The following EIF4E3 variants were observed in gnomAD, a reference collection of about 807,000 sequenced individuals.
EIF4E3 encodes the protein eukaryotic translation initiation factor 4E family member 3, also known as eukaryotic translation initiation factor 4E type 3.
In EIF4E3, 26 loss-of-function variants were observed where a neutral mutation model predicts 31.7. The ratio of observed to expected loss-of-function variants is 0.82; its 90% confidence interval spans 0.60 to 1.14. The LOEUF is 1.14. Among genes scored for constraint, EIF4E3 ranks in the 50% most tolerant of loss-of-function variants. EIF4E3 has a pLI of 0.00. For missense variants in EIF4E3, 304 were observed against 270.9 expected (o/e 1.12, Z -0.86); for synonymous variants, 128 against 107.7 (o/e 1.19, Z -1.17).
At chr3:71,674,323 T>C (rs2048861499), downstream of EIF4E3, among the ~76,000 whole-genome samples, 1 of 151,956 alleles carries the variant, frequency 6.6e-6, no homozygotes, top group Admixed American at 6.6e-5. Flanking sequence ...GCCGGGCTGG[T>C]CTTGAACTCC....
intron 4 of EIF4E3, among the ~76,000 whole-genome samples, chr3:71,695,075 T>C (rs2049117112): frequency 6.6e-6 from 1 of 152,224 alleles, no homozygotes; most frequent in Non-Finnish European, 1.5e-5. Flanking sequence ...ATTCTTTTCT[T>C]TTCTCTTTCC....
At chr3:71,687,593 GA>G (rs1361455532) in intron 6 of EIF4E3, among the ~76,000 whole-genome samples, 21 of 152,218 alleles carry the variant, frequency 1.4e-4, no homozygotes, top group African/African-American at 4.6e-4. Context: ...CACCAGAAAA[GA>G]CCTTTGTCAC....
intron 1 of EIF4E3, among the ~76,000 whole-genome samples, chr3:71,735,258 G>A (rs2049750773): frequency 1.3e-5 from 2 of 152,068 alleles, no homozygotes; most frequent in South Asian, 2.1e-4. Flanking sequence ...GAGTACACAG[G>A]CACAGAGCCT....
upstream of EIF4E3, among the ~76,000 whole-genome samples, chr3:71,729,991 C>CTTTCT (rs10632422): frequency 0.18 from 27,398 of 151,924 alleles, 2,491 homozygotes; most frequent in East Asian, 0.31. Flanking sequence ...CTCCGTTTTC[C>CTTTCT]TTTAACAGCA....
the EIF4E3 span, among the ~76,000 whole-genome samples, chr3:71,660,434 G>A: frequency 5.9e-5 from 9 of 152,216 alleles, no homozygotes; most frequent in Non-Finnish European, 8.8e-5. Flanking sequence ...AGGAAAGCCA[G>A]TCTTGAAGAT....
Position 71,680,319 on chromosome 3 carries a change from T to TC in EIF4E3, c.*4362dup, listed in dbSNP as rs1333445924. On this transcript the variant is annotated 3_prime_UTR_variant, in exon 7 of 7. Transcript: ENST00000425534. The stretch of plus-strand genomic sequence containing the variant: ...GCACTTGTTAAAAATGCAGATATCC[T>TC]CCCAGATTTCTAGTGCTGGGGTCAA... The TC allele has an allele frequency of 1.3e-5, 2 of 152,140 alleles. No individual in the cohort carries two copies. Among genetic ancestry groups the TC allele is most frequent in the Non-Finnish European group, 2.9e-5 (2 of 68,010 alleles). 9.4% of individuals were successfully genotyped at this position (152,140 alleles called of 1,614,324 possible). A position where few individuals can be genotyped will look rare whatever the true frequency, so the allele number is the denominator to read the frequency against.
intron 3 of EIF4E3, among the ~76,000 whole-genome samples, chr3:71,697,701 T>C (rs1411874001): frequency 1.3e-5 from 2 of 152,172 alleles, no homozygotes; most frequent in South Asian, 2.1e-4. Flanking sequence ...TCACTTAATA[T>C]AATGTTCTCC....
rs116181817 is a variant in EIF4E3 at position 71,688,804 on chromosome 3, T to C, written c.628+1206A>G. On this transcript the variant is annotated intron_variant, in intron 6 of 6. Transcript: ENST00000425534. ...GGCAACTTCTACACCACGCAGCCAA[T>C]AAGCAACTTCTGCAGTGCCATTTTT... Among the ~76,000 whole-genome samples, 1,134 of 152,290 alleles carry C rather than the reference T, an allele frequency of 7.4e-3. 4 individuals are homozygous for C. The highest frequency in any genetic ancestry group is 0.012 in the Non-Finnish European group (801 of 68,010).
chr3:71,714,547 G>A (rs1402054667), intron 1 of EIF4E3, among the ~76,000 whole-genome samples: 2 of 152,158 alleles, frequency 1.3e-5, no homozygotes, highest in Non-Finnish European at 2.9e-5. Context: ...AGGAAGGCAT[G>A]GCGTCCTTTT....
At chr3:71,660,106 C>T in the EIF4E3 span, among the ~76,000 whole-genome samples, 2 of 152,140 alleles carry the variant, frequency 1.3e-5, no homozygotes, top group African/African-American at 2.4e-5. Flanking sequence ...AAGCTCTGCT[C>T]TAGGGGGCCC....
the EIF4E3 span, among the ~76,000 whole-genome samples, chr3:71,661,151 C>A: frequency 6.7e-6 from 1 of 149,072 alleles, no homozygotes; most frequent in African/African-American, 2.5e-5. Flanking sequence ...TTCTAGATGG[C>A]ATTTTTCCTT....
chr3:71,725,479 G>A, upstream of EIF4E3: 1 of 600,188 alleles, frequency 1.7e-6, no homozygotes, highest in Non-Finnish European at 2.1e-6. This position sits in a 1 kb window ranked among gnomAD's most constrained non-coding sequence, Gnocchi z 6.1. Flanking sequence ...CCCGCCCCGG[G>A]CTAGCCGCCC....
intron 1 of EIF4E3, among the ~76,000 whole-genome samples, chr3:71,711,192 T>C (rs900809524): frequency 1.6e-4 from 24 of 152,322 alleles, no homozygotes; most frequent in African/African-American, 5.8e-4. Flanking sequence ...TTGCCTGGGA[T>C]GGTAAAATGA....
At chr3:71,742,046 C>T (rs916774538) in intron 1 of EIF4E3, among the ~76,000 whole-genome samples, 11 of 151,878 alleles carry the variant, frequency 7.2e-5, no homozygotes, top group Non-Finnish European at 1.0e-4. Flanking sequence ...CACAAATGCC[C>T]GAATAAAGAT....
chr3:71,703,811 C>CAAAAAAAAAAA (rs370789059), intron 2 of EIF4E3, among the ~76,000 whole-genome samples: 6 of 72,444 alleles, frequency 8.3e-5, no homozygotes, highest in African/African-American at 1.8e-4. Flanking sequence ...AAACACACAT[C>CAAAAAAAAAAA]AAAAAAAAAA....
chr3:71,675,247 G>A (rs1483851095), downstream of EIF4E3, among the ~76,000 whole-genome samples: 1 of 152,118 alleles, frequency 6.6e-6, no homozygotes, highest in Non-Finnish European at 1.5e-5. Context: ...GGGATAATCC[G>A]GAATTGGCCG....
intron 5 of EIF4E3, among the ~76,000 whole-genome samples, chr3:71,692,978 A>C (rs1223481731): frequency 6.6e-6 from 1 of 152,194 alleles, no homozygotes; most frequent in Admixed American, 6.5e-5. Flanking sequence ...CACGAGATGA[A>C]TCTGAAATGT....
Position 71,704,448 on chromosome 3 carries a change from C to T in EIF4E3, c.250-4740G>A, listed in dbSNP as rs74839460. 3.3e-5 allele frequency among the ~76,000 whole-genome samples: 5 copies of T among 152,322 alleles called. No individual in the cohort carries two copies. In the East Asian group the frequency reaches 9.6e-4, roughly 29 times the overall value. ...ACATGGCGGTCAGGTCTGAGAACAG[C>T]TGTGAAGGCAGGAGGGGTTATTCTG... is the stretch of plus-strand genomic sequence containing the variant. On this transcript the variant is annotated intron_variant, in intron 2 of 6. Transcript: ENST00000425534.
intron 1 of EIF4E3, among the ~76,000 whole-genome samples, chr3:71,713,521 C>T (rs776134554): frequency 3.9e-5 from 6 of 152,070 alleles, no homozygotes; most frequent in African/African-American, 7.3e-5. Flanking sequence ...ACTGTATTCT[C>T]GACCTCCTGG....
Sources: allele counts gnomAD v4.1 joint callset (sites outside exome capture counted in the v4.1 genomes callset), GRCh38; gene constraint gnomAD v4.1.1; non-coding constraint Gnocchi (gnomAD v3.1); transcripts MANE v1.5; gene names NCBI Gene and HGNC (gene_info 2026-07-23, HGNC 2026-07-21).